Variants in MPDZ observed in about 807,000 individuals in gnomAD.
The protein encoded by MPDZ is multiple PDZ domain crumbs cell polarity complex component.
Under a neutral mutation model 239.1 loss-of-function variants are expected in MPDZ, and 234 were observed. The ratio of observed to expected loss-of-function variants is 0.98; its 90% CI spans 0.88 to 1.09. The LOEUF (loss-of-function observed/expected upper bound fraction) is 1.09, where lower values mean the gene tolerates loss of function less well. Ranked by LOEUF, MPDZ falls within the 50% of genes least tolerant of loss-of-function variation. The pLI, the probability that MPDZ is intolerant of heterozygous loss-of-function variation, is 0.00. For synonymous variants in MPDZ, 1,048 were observed against 881.3 expected, an observed-to-expected ratio of 1.19 and a Z score of -3.35; for missense variants, 3,175 against 2,510.0, an observed-to-expected ratio of 1.26 and a Z score of -5.66.
Position 13,217,206 on chromosome 9 carries a change from GC to G in MPDZ, c.1174del (p.Ala392LeufsTer16). The stretch of plus-strand genomic sequence containing the variant: ...CAATTTTTTATCTCCAATGTAGCCA[GC>G]AATGGTAATTCCTAATCCTTGGACA... ...KNVQGLGITIAGYIGDKKLEP... is the reference protein window; with the variant it reads ...KNVQGLGITIXGYIGDKKLEP... On this transcript the variant is annotated frameshift_variant, in exon 9 of 47. Coordinates refer to ENST00000319217, the MANE Select transcript of MPDZ (RefSeq NM_001378778.1). LOFTEE classifies it high-confidence loss of function. The G allele has an allele frequency of 6.3e-7, 1 of 1,595,304 alleles. No individual in the cohort carries two copies. Among genetic ancestry groups the G allele is most frequent in the Non-Finnish European group, 8.5e-7 (1 of 1,171,640 alleles).
intron 3 of MPDZ, among the ~76,000 whole-genome samples, chr9:13,242,587 G>C (rs1472057097): frequency 1.3e-5 from 2 of 150,734 alleles, no homozygotes; most frequent in Non-Finnish European, 3.0e-5. Context: ...ACAATTAGAA[G>C]ACAAAGTTAA....
intron 24 of MPDZ, among the ~76,000 whole-genome samples, chr9:13,152,433 A>G (rs755658625): frequency 9.9e-5 from 15 of 152,120 alleles, no homozygotes; most frequent in Non-Finnish European, 2.1e-4. Flanking sequence ...ATGATAGTGA[A>G]TAAGTCTCAT....
intron 36 of MPDZ, 27 bp downstream of exon 36, chr9:13,123,126 A>G (rs1944607765): frequency 6.3e-7 from 1 of 1,598,772 alleles, no homozygotes; most frequent in African/African-American, 1.3e-5. Flanking sequence ...GACGGCCTGT[A>G]CAGAAGCACC....
chr9:13,136,608 G>C, intron 30 of MPDZ, 104 bp downstream of exon 30: 2 of 789,720 alleles, frequency 2.5e-6, no homozygotes, highest in East Asian at 2.8e-5. Context: ...TTACAGGCAT[G>C]AGCCAGCATG....
intron 3 of MPDZ, 128 bp from the exon 4 acceptor site, chr9:13,224,711 T>C (rs1021468211): frequency 9.1e-6 from 6 of 658,022 alleles, no homozygotes; most frequent in Non-Finnish European, 1.5e-5. Context: ...CCAGCAATTC[T>C]ATTTTGGGAA....
chr9:13,235,941 G>C (rs1391965832), intron 3 of MPDZ, among the ~76,000 whole-genome samples: 2 of 152,022 alleles, frequency 1.3e-5, no homozygotes, highest in Non-Finnish European at 2.9e-5. Context: ...AACCTACCCA[G>C]TGTAACACTG....
chr9:13,168,022 A>C (rs1036090944), intron 22 of MPDZ, among the ~76,000 whole-genome samples: 1 of 152,112 alleles, frequency 6.6e-6, no homozygotes, highest in Non-Finnish European at 1.5e-5. Context: ...ACAATTCCTT[A>C]TATCAAAGCC....
At chr9:13,143,982 C>G (rs1392379169) in intron 26 of MPDZ, among the ~76,000 whole-genome samples, 1 of 151,930 alleles carries the variant, frequency 6.6e-6, no homozygotes, top group Non-Finnish European at 1.5e-5. Flanking sequence ...AATAATCTGT[C>G]TAGAATGCAA....
At chr9:13,206,193 T>G in intron 10 of MPDZ, 94 bp from the exon 11 acceptor site, 1 of 1,167,030 alleles carries the variant, frequency 8.6e-7, no homozygotes, top group South Asian at 1.7e-5. Flanking sequence ...GTTGTTAGTG[T>G]GAAAAGAATG....
In MPDZ at chr9:13,223,619, TCTC is replaced by T. The variant is rs1474224235; in HGVS notation, c.482_484del (p.Gly161del). 14 of 1,612,432 alleles carry T rather than the reference TCTC, an allele frequency of 8.7e-6. No individual in the cohort carries two copies. The highest frequency in any genetic ancestry group is 1.2e-5 in the Non-Finnish European group (14 of 1,179,040). The stretch of plus-strand genomic sequence containing the variant: ...TATCTCTTGAACAAATATTCCCAGC[TCTC>T]CTCTGTTTTCACTTCTTAGTCCCAC... On this transcript the variant is annotated inframe_deletion, in exon 5 of 47. Transcript: ENST00000319217.
intron 8 of MPDZ, among the ~76,000 whole-genome samples, chr9:13,218,467 T>C (rs747230732): frequency 3.9e-5 from 6 of 151,930 alleles, no homozygotes; most frequent in Non-Finnish European, 5.9e-5. Context: ...CATTTATATA[T>C]CGCTGAATAA....
chr9:13,243,891 G>C (rs938525756), intron 3 of MPDZ, among the ~76,000 whole-genome samples: 1 of 152,286 alleles, frequency 6.6e-6, no homozygotes, highest in South Asian at 2.1e-4. Flanking sequence ...ACTCCAAAAA[G>C]TCTGAAGGTC....
chr9:13,182,621 G>A (rs954133185), intron 19 of MPDZ, among the ~76,000 whole-genome samples: 1 of 151,950 alleles, frequency 6.6e-6, no homozygotes, highest in Non-Finnish European at 1.5e-5. Flanking sequence ...CAAAAGATAT[G>A]AAGAGATCTT....
intron 24 of MPDZ, among the ~76,000 whole-genome samples, chr9:13,156,566 T>C (rs980103161): frequency 4.6e-5 from 7 of 152,124 alleles, no homozygotes; most frequent in Non-Finnish European, 7.4e-5. Context: ...GAGAACAGCA[T>C]GGGAAAGACC....
chr9:13,267,006 C>T (rs745561008), intron 1 of MPDZ, among the ~76,000 whole-genome samples: 1 of 152,170 alleles, frequency 6.6e-6, no homozygotes, highest in Non-Finnish European at 1.5e-5. Flanking sequence ...CCAAATACTC[C>T]AAGAGGCAAA....
intron 1 of MPDZ, among the ~76,000 whole-genome samples, chr9:13,278,711 G>A (rs968335245): frequency 6.6e-6 from 1 of 152,024 alleles, no homozygotes; most frequent in African/African-American, 2.4e-5. Context: ...CGGGAGCGGC[G>A]GTTAAAAGGG....
At chr9:13,155,003 G>A (rs891360133) in intron 24 of MPDZ, among the ~76,000 whole-genome samples, 3 of 152,136 alleles carry the variant, frequency 2.0e-5, no homozygotes, top group African/African-American at 7.2e-5. Flanking sequence ...TGGATCATGA[G>A]GTCAAGAAAT....
intron 25 of MPDZ, among the ~76,000 whole-genome samples, chr9:13,148,607 T>C (rs1291930192): frequency 1.3e-5 from 2 of 152,062 alleles, no homozygotes; most frequent in Non-Finnish European, 2.9e-5. Flanking sequence ...TCTAACTTTT[T>C]TGTAGAACAA....
intron 46 of MPDZ, among the ~76,000 whole-genome samples, chr9:13,107,352 T>C (rs1047656906): frequency 3.3e-5 from 5 of 152,172 alleles, no homozygotes; most frequent in African/African-American, 1.2e-4. Flanking sequence ...GATAGATCAG[T>C]TGGATGGGTT....
Sources: gnomAD v4.1 joint callset for allele counts (sites outside exome capture counted in the v4.1 genomes callset) on GRCh38, gnomAD v4.1.1 for gene constraint, MANE v1.5 for transcripts, NCBI Gene and HGNC (gene_info 2026-07-23, HGNC 2026-07-21) for gene names.